The following ASAP1 variants were observed in gnomAD, a reference collection of about 807,000 sequenced individuals.
ASAP1 encodes the protein arf-GAP with SH3 domain, ANK repeat and PH domain-containing protein 1.
A neutral mutation model predicts 145.2 loss-of-function variants in ASAP1; 43 were observed. The ratio of observed to expected loss-of-function variants is 0.30; its 90% CI spans 0.23 to 0.38. The LOEUF is 0.38. Ranked by LOEUF, ASAP1 falls within the 10% of genes least tolerant of loss-of-function variation. ASAP1 has a pLI of 1.00. For synonymous variants in ASAP1, 546 were observed against 515.5 expected (o/e 1.06, Z -0.80); for missense variants, 1,018 against 1,355.3 (o/e 0.75, Z 3.91).
chr8:130,380,288 C>T (rs141470400), intron 2 of ASAP1, among the ~76,000 whole-genome samples: 3 of 152,344 alleles, frequency 2.0e-5, no homozygotes, highest in Non-Finnish European at 4.4e-5. Context: ...CACCTCAGAG[C>T]TGTGCACCTG....
chr8:130,315,743 A>G (rs771768425), intron 3 of ASAP1, among the ~76,000 whole-genome samples: 6 of 152,194 alleles, frequency 3.9e-5, no homozygotes, highest in Non-Finnish European at 7.3e-5. Flanking sequence ...ATTACAGTGT[A>G]TGGCGTACAG....
At chr8:130,240,549 G>A (rs182018589) in intron 3 of ASAP1, among the ~76,000 whole-genome samples, 48 of 152,246 alleles carry the variant, frequency 3.2e-4, no homozygotes, top group Middle Eastern at 3.4e-3. Context: ...GAGAAAAATG[G>A]TAGATAATAT....
At chr8:130,258,331 G>T (rs1326202480) in intron 3 of ASAP1, among the ~76,000 whole-genome samples, 1 of 152,158 alleles carries the variant, frequency 6.6e-6, no homozygotes, top group African/African-American at 2.4e-5. Flanking sequence ...TACACCCATT[G>T]CCCTGGCATA....
In ASAP1 at chr8:130,137,479, C is replaced by T. The variant is rs537072690; in HGVS notation, c.1081-441G>A. Among the ~76,000 whole-genome samples, 4 of 152,336 alleles carry T rather than the reference C, an allele frequency of 2.6e-5. No individual in the cohort carries two copies. The East Asian group carries it at 7.7e-4, about 29-fold the overall frequency. On this transcript the variant is annotated intron_variant, in intron 13 of 29. Coordinates refer to ENST00000518721, the MANE Select transcript of ASAP1 (RefSeq NM_018482.4). Reference sequence around the variant, plus strand: ...CCCATAACTAAGCACCAACAGTTGGCACTTTTAATGCTGTATCTTACTATG... The same window carrying T: ...CCCATAACTAAGCACCAACAGTTGGTACTTTTAATGCTGTATCTTACTATG...
intron 27 of ASAP1, chr8:130,069,579 A>T (rs1271425879): frequency 1.3e-5 from 2 of 152,248 alleles, no homozygotes; most frequent in African/African-American, 4.8e-5. Flanking sequence ...ATAACGTGTC[A>T]TTCATGAGCA....
At chr8:130,085,447 G>A (rs1444688584) in intron 25 of ASAP1, among the ~76,000 whole-genome samples, 1 of 152,162 alleles carries the variant, frequency 6.6e-6, no homozygotes, top group Non-Finnish European at 1.5e-5. Context: ...ATTAAAGAAA[G>A]AGGAGGACCG....
chr8:130,141,321 T>G (rs1004625687), intron 13 of ASAP1, among the ~76,000 whole-genome samples: 1 of 152,060 alleles, frequency 6.6e-6, no homozygotes, highest in African/African-American at 2.4e-5. Flanking sequence ...TCACTCTGAG[T>G]TGTTCCTTTG....
At chr8:130,156,838 C>A (rs919097444) in intron 12 of ASAP1, among the ~76,000 whole-genome samples, 1 of 152,182 alleles carries the variant, frequency 6.6e-6, no homozygotes, top group Non-Finnish European at 1.5e-5. Flanking sequence ...TTTACTTGAA[C>A]ACTTTAGGGT....
intron 23 of ASAP1, among the ~76,000 whole-genome samples, chr8:130,115,250 C>T (rs1382857724): frequency 6.6e-6 from 1 of 152,220 alleles, no homozygotes; most frequent in Admixed American, 6.5e-5. Context: ...CTTAAAAAGA[C>T]TGAGGTCCCC....
At chr8:130,338,087 G>A (rs867522224) in intron 3 of ASAP1, among the ~76,000 whole-genome samples, 9 of 152,162 alleles carry the variant, frequency 5.9e-5, no homozygotes, top group African/African-American at 1.9e-4. Flanking sequence ...GGCACTGGGG[G>A]ATAAGACGAC....
At chr8:130,115,795 T>C (rs2097554833) in intron 22 of ASAP1, 60 bp from the exon 23 acceptor site, 1 of 1,239,016 alleles carries the variant, frequency 8.1e-7, no homozygotes, top group South Asian at 1.2e-5. Context: ...CCCAATATTA[T>C]ACAAACACTG....
At chr8:130,396,160 A>G (rs925984060) in intron 2 of ASAP1, among the ~76,000 whole-genome samples, 2 of 152,228 alleles carry the variant, frequency 1.3e-5, no homozygotes, top group African/African-American at 4.8e-5. Context: ...TAAAGTATAC[A>G]TGTAGTAAAA....
chr8:130,177,350 G>GA (rs1369079651), intron 9 of ASAP1, among the ~76,000 whole-genome samples: 3 of 152,234 alleles, frequency 2.0e-5, no homozygotes, highest in South Asian at 4.1e-4. Flanking sequence ...AATTTAACGT[G>GA]AAAATAGATT....
intron 3 of ASAP1, among the ~76,000 whole-genome samples, chr8:130,327,878 G>A (rs1824437883): frequency 6.6e-6 from 1 of 152,186 alleles, no homozygotes; most frequent in African/African-American, 2.4e-5. Flanking sequence ...AATGGATGAA[G>A]TATGCTACGT....
At chr8:130,240,751 A>G (rs371265015) in intron 3 of ASAP1, among the ~76,000 whole-genome samples, 71 of 152,290 alleles carry the variant, frequency 4.7e-4, no homozygotes, top group African/African-American at 1.5e-3. Context: ...TTAACATTAC[A>G]TAACTAAGGA....
At chr8:130,180,641 C>T (rs1213693223) in intron 8 of ASAP1, 110 bp downstream of exon 8, 4 of 1,294,426 alleles carry the variant, frequency 3.1e-6, no homozygotes, top group Non-Finnish European at 1.1e-6. Flanking sequence ...AAACAGTTTC[C>T]TCTCTAATAA....
chr8:130,072,830 C>CGCGCGCGCGCCCGCGCG (rs1448184178), intron 27 of ASAP1, among the ~76,000 whole-genome samples: 3 of 31,918 alleles, frequency 9.4e-5, no homozygotes, highest in South Asian at 1.1e-3. Context: ...TGTGTGCGCG[C>CGCGCGCGCGCCCGCGCG]GGGGGGGGGC....
At chr8:130,197,929 TG>T (rs1815610972) in intron 5 of ASAP1, among the ~76,000 whole-genome samples, 2 of 152,114 alleles carry the variant, frequency 1.3e-5, no homozygotes, top group Non-Finnish European at 2.9e-5. Context: ...TGTTCACTAG[TG>T]GGTGAAGTTT....
At position 130,304,266 on chromosome 8, in the gene ASAP1, G is replaced by A. The variant is rs1822854442; in HGVS notation, c.186+53751C>T. On this transcript the variant is annotated intron_variant, in intron 3 of 29. Transcript: ENST00000518721. ...TGATTATATATTATTTTTTTATACT[G>A]CCCGGAAAAGAACGCCTTGTATATT... 2.0e-5 allele frequency among the ~76,000 whole-genome samples: 3 copies of A among 147,580 alleles called. No individual in the cohort carries two copies. The Admixed American group carries it at 2.1e-4, about 10-fold the overall frequency.
Sources: gnomAD v4.1 joint callset for allele counts (sites outside exome capture counted in the v4.1 genomes callset) on GRCh38, gnomAD v4.1.1 for gene constraint, MANE v1.5 for transcripts, NCBI Gene and HGNC (gene_info 2026-07-23, HGNC 2026-07-21) for gene names.